The following KLF12 variants were observed in gnomAD, a reference collection of about 807,000 sequenced individuals.
The protein encoded by KLF12 is KLF transcription factor 12.
KLF12 carries 9 observed loss-of-function variants against 37.8 expected under a neutral mutation model. That is an observed-to-expected ratio of 0.24 (90% CI 0.14 to 0.42). The LOEUF (loss-of-function observed/expected upper bound fraction) is 0.42. Among genes scored for constraint, KLF12 ranks in the 10% least tolerant of loss-of-function variants. KLF12 has a pLI of 1.00. For synonymous variants in KLF12, 208 were observed against 202.1 expected (o/e 1.03, Z -0.25); for missense variants, 411 against 516.0 (o/e 0.80, Z 1.97).
the KLF12 span, among the ~76,000 whole-genome samples, chr13:74,230,160 G>C: frequency 6.6e-6 from 1 of 152,122 alleles, no homozygotes; most frequent in Non-Finnish European, 1.5e-5. Context: ...CATGGGGGCA[G>C]TTCCCCTGAT....
the KLF12 span, among the ~76,000 whole-genome samples, chr13:74,159,928 AGAGGTCAAT>A: frequency 6.7e-6 from 1 of 149,192 alleles, no homozygotes; most frequent in Non-Finnish European, 1.5e-5. Context: ...CTTGGGCCCA[AGAGGTCAAT>A]GATGCAGTGA....
chr13:74,289,418 A>G, the KLF12 span, among the ~76,000 whole-genome samples: 1 of 152,234 alleles, frequency 6.6e-6, no homozygotes, highest in East Asian at 1.9e-4. Flanking sequence ...TAGTGGAACA[A>G]GGAATCTTGA....
At chr13:73,700,830 T>C (rs1289313296) in intron 7 of KLF12, among the ~76,000 whole-genome samples, 1 of 152,200 alleles carries the variant, frequency 6.6e-6, no homozygotes, top group Non-Finnish European at 1.5e-5. Flanking sequence ...GAGTAGCTAC[T>C]GCATTGTGTT....
intron 3 of KLF12, among the ~76,000 whole-genome samples, chr13:73,887,939 G>A (rs1887313200): frequency 6.6e-6 from 1 of 151,930 alleles, no homozygotes; most frequent in Non-Finnish European, 1.5e-5. Flanking sequence ...TTGTAAATCT[G>A]TTTTATTTAT....
chr13:74,244,632 C>T, the KLF12 span, among the ~76,000 whole-genome samples: 1 of 152,182 alleles, frequency 6.6e-6, no homozygotes, highest in African/African-American at 2.4e-5. Context: ...AGAATATCTG[C>T]CCTCCACTGT....
intron 1 of KLF12, among the ~76,000 whole-genome samples, chr13:74,072,366 T>TAA (rs2094894299): frequency 2.5e-5 from 1 of 39,676 alleles, no homozygotes; most frequent in Non-Finnish European, 5.0e-5. Context: ...GAAATACAAA[T>TAA]ATATATATAT....
the KLF12 span, among the ~76,000 whole-genome samples, chr13:74,180,075 C>A: frequency 1.3e-5 from 2 of 152,200 alleles, no homozygotes; most frequent in Non-Finnish European, 2.9e-5. Context: ...GGCCTTCTGG[C>A]ACATTCCTTG....
chr13:73,916,524 T>A (rs1181680501), intron 3 of KLF12, among the ~76,000 whole-genome samples: 1 of 152,156 alleles, frequency 6.6e-6, no homozygotes, highest in Non-Finnish European at 1.5e-5. Context: ...ATTAATGTCA[T>A]TATGTTGAAT....
chr13:73,934,596 T>C (rs570966923), intron 3 of KLF12, among the ~76,000 whole-genome samples: 1 of 152,322 alleles, frequency 6.6e-6, no homozygotes, highest in South Asian at 2.1e-4. Flanking sequence ...AAGACTGATT[T>C]ATCTTCCTTC....
intron 1 of KLF12, among the ~76,000 whole-genome samples, chr13:74,125,162 T>C (rs1274249356): frequency 1.1e-4 from 14 of 131,950 alleles, no homozygotes; most frequent in Admixed American, 4.8e-4. Flanking sequence ...AAAATATATA[T>C]ATATACACAC....
the KLF12 span, among the ~76,000 whole-genome samples, chr13:74,170,498 A>G: frequency 6.6e-6 from 1 of 152,184 alleles, no homozygotes; most frequent in Non-Finnish European, 1.5e-5. Flanking sequence ...CTTAATGTAA[A>G]CCACATATAT....
At chr13:73,712,338 CAAAAAAA>C (rs752694466) in intron 7 of KLF12, among the ~76,000 whole-genome samples, 89 of 42,058 alleles carry the variant, frequency 2.1e-3, no homozygotes, top group East Asian at 0.015. Context: ...AACTCCATGT[CAAAAAAA>C]AAAAAAAAAA....
chr13:73,935,266 G>A (rs1889876974), intron 3 of KLF12, among the ~76,000 whole-genome samples: 1 of 152,162 alleles, frequency 6.6e-6, no homozygotes, highest in Non-Finnish European at 1.5e-5. Context: ...TGGGATTACA[G>A]GCATGAGCCA....
At chr13:73,870,492 G>A (rs948705609) in intron 3 of KLF12, among the ~76,000 whole-genome samples, 2 of 152,144 alleles carry the variant, frequency 1.3e-5, no homozygotes, top group Non-Finnish European at 2.9e-5. Context: ...TTCTGACATA[G>A]AGATAAAAAA....
chr13:74,093,243 G>T (rs956542848), intron 1 of KLF12, among the ~76,000 whole-genome samples: 1 of 152,130 alleles, frequency 6.6e-6, no homozygotes, highest in Admixed American at 6.5e-5. Flanking sequence ...TACAGCGGGC[G>T]GATAACTGGA....
the KLF12 span, among the ~76,000 whole-genome samples, chr13:74,211,152 T>C: frequency 1.7e-4 from 26 of 152,166 alleles, no homozygotes; most frequent in Non-Finnish European, 3.2e-4. Flanking sequence ...TTACTCAACT[T>C]ATAACCATGC....
chr13:74,259,082 C>T, the KLF12 span: 3 of 152,340 alleles, frequency 2.0e-5, no homozygotes, highest in East Asian at 5.8e-4. Context: ...GGCCTGTGCC[C>T]CAGATAGACC....
chr13:74,037,910 G>A (rs755438977), intron 1 of KLF12, among the ~76,000 whole-genome samples: 64 of 152,246 alleles, frequency 4.2e-4, no homozygotes, highest in South Asian at 8.3e-4. Flanking sequence ...ACAAGGTCAG[G>A]ATGATTAAAA....
intron 7 of KLF12, 45 bp downstream of exon 7, chr13:73,715,323 T>C (rs1875716512): frequency 6.3e-7 from 1 of 1,577,462 alleles, no homozygotes; most frequent in East Asian, 2.2e-5. Context: ...CGGCGCTTTA[T>C]GGACTCTCAC....
Sources: gnomAD v4.1 joint callset for allele counts (sites outside exome capture counted in the v4.1 genomes callset) on GRCh38, gnomAD v4.1.1 for gene constraint, MANE v1.5 for transcripts, NCBI Gene and HGNC (gene_info 2026-07-23, HGNC 2026-07-21) for gene names.